The following PTPRO variants were observed in gnomAD, a reference collection of about 807,000 sequenced individuals.
The protein encoded by PTPRO is receptor-type tyrosine-protein phosphatase O.
PTPRO carries 62 observed loss-of-function variants against 145.2 expected under a neutral mutation model. The ratio of observed to expected loss-of-function variants is 0.43; its 90% CI spans 0.35 to 0.53. PTPRO has a LOEUF of 0.53. PTPRO is among the 20% of genes least tolerant of loss of function. PTPRO has a pLI of 0.01. For synonymous variants in PTPRO, 565 were observed against 514.7 expected (o/e 1.10, Z -1.32); for missense variants, 1,345 against 1,482.7 (o/e 0.91, Z 1.53).
intron 1 of PTPRO, among the ~76,000 whole-genome samples, chr12:15,438,781 A>G (rs755001415): frequency 4.6e-5 from 7 of 152,222 alleles, no homozygotes; most frequent in Non-Finnish European, 7.3e-5. Context: ...TGGAAAATAT[A>G]GTTGAAAGAA....
At chr12:15,523,101 C>T (rs1034935533) in intron 10 of PTPRO, among the ~76,000 whole-genome samples, 1 of 152,148 alleles carries the variant, frequency 6.6e-6, no homozygotes, top group Non-Finnish European at 1.5e-5. Flanking sequence ...GCTAAGCATA[C>T]TATATAAGTG....
intron 1 of PTPRO, among the ~76,000 whole-genome samples, chr12:15,387,112 GA>G (rs1939050938): frequency 6.6e-6 from 1 of 152,074 alleles, no homozygotes; most frequent in South Asian, 2.1e-4. Flanking sequence ...GCAACCTCAA[GA>G]AAAATTATTC....
chr12:15,365,980 T>C (rs190156314), intron 1 of PTPRO, among the ~76,000 whole-genome samples: 2 of 152,286 alleles, frequency 1.3e-5, no homozygotes, highest in Admixed American at 6.6e-5. Context: ...TATAGCTAAT[T>C]GACAGAGTGT....
chr12:15,396,617 G>A (rs998175449), intron 1 of PTPRO, among the ~76,000 whole-genome samples: 4 of 152,070 alleles, frequency 2.6e-5, no homozygotes, highest in African/African-American at 9.7e-5. Context: ...AAGGAATCTA[G>A]TAACAGCACT....
intron 1 of PTPRO, among the ~76,000 whole-genome samples, chr12:15,462,127 C>T (rs1346710561): frequency 6.6e-6 from 1 of 152,026 alleles, no homozygotes; most frequent in Admixed American, 6.6e-5. Flanking sequence ...TAATGTTGCT[C>T]ATCTTTTTTC....
chr12:15,511,599 G>A (rs1186377142), intron 7 of PTPRO, among the ~76,000 whole-genome samples: 7 of 152,190 alleles, frequency 4.6e-5, no homozygotes, highest in Non-Finnish European at 1.0e-4. Flanking sequence ...TCGCTCTGCT[G>A]CCAGGCTGGA....
chr12:15,490,432 A>G (rs898041547), intron 2 of PTPRO, among the ~76,000 whole-genome samples: 1 of 152,350 alleles, frequency 6.6e-6, no homozygotes, highest in African/African-American at 2.4e-5. Flanking sequence ...TAATGGCTAT[A>G]TTATAATTAA....
intron 10 of PTPRO, among the ~76,000 whole-genome samples, chr12:15,523,733 C>T (rs967914935): frequency 6.6e-6 from 1 of 151,618 alleles, no homozygotes; most frequent in Admixed American, 6.6e-5. Flanking sequence ...TGAGATTGCG[C>T]CACTGCACTC....
At chr12:15,539,253 C>T (rs1321551023) in intron 12 of PTPRO, among the ~76,000 whole-genome samples, 1 of 152,068 alleles carries the variant, frequency 6.6e-6, no homozygotes, top group African/African-American at 2.4e-5. Context: ...CCTGATTTCA[C>T]CACTATGCAA....
chr12:15,456,088 A>G (rs1049071267), intron 1 of PTPRO, among the ~76,000 whole-genome samples: 3 of 152,230 alleles, frequency 2.0e-5, no homozygotes, highest in South Asian at 2.1e-4. Flanking sequence ...AGCATTGAGT[A>G]TAATGTTAAC....
rs182670046 is a variant in PTPRO at position 15,435,786 on chromosome 12, A to C, written c.76-48188A>C. Among the ~76,000 whole-genome samples, 95 of 152,280 alleles carry C rather than the reference A, an allele frequency of 6.2e-4. 1 individual carries two copies. Among genetic ancestry groups the C allele is most frequent in the Admixed American group, 5.1e-3 (78 of 15,296 alleles). ...CAGTACCATGGATAGCAGAACACTT[A>C]TTTCCCCAAATACTAACACATACTC... On this transcript the variant is annotated intron_variant, in intron 1 of 26. Transcript: ENST00000281171.
intron 1 of PTPRO, among the ~76,000 whole-genome samples, chr12:15,372,469 G>A (rs1938559850): frequency 6.6e-6 from 1 of 152,172 alleles, no homozygotes; most frequent in African/African-American, 2.4e-5. Context: ...TTTGCCCACA[G>A]CTAATATGTG....
At chr12:15,365,829 AG>A (rs575809689) in intron 1 of PTPRO, among the ~76,000 whole-genome samples, 64 of 152,280 alleles carry the variant, frequency 4.2e-4, no homozygotes, top group African/African-American at 1.5e-3. Context: ...CCTGCACTAA[AG>A]GGCTATGAAG....
chr12:15,565,463 A>T, intron 17 of PTPRO, 130 bp from the exon 18 acceptor site: 1 of 633,278 alleles, frequency 1.6e-6, no homozygotes. Context: ...AACAAACCTG[A>T]TATGTGTTTA....
intron 1 of PTPRO, among the ~76,000 whole-genome samples, chr12:15,328,409 TTTC>T (rs1322554285): frequency 6.6e-6 from 1 of 152,226 alleles, no homozygotes; most frequent in Non-Finnish European, 1.5e-5. Context: ...CCAGCTCCTT[TTTC>T]TTCTGAATAT....
chr12:15,362,106 G>C (rs141705717), intron 1 of PTPRO, among the ~76,000 whole-genome samples: 1 of 152,220 alleles, frequency 6.6e-6, no homozygotes, highest in African/African-American at 2.4e-5. Context: ...TTGCATTGCT[G>C]GTTAGCACAA....
At position 15,408,269 on chromosome 12, in the gene PTPRO, T is replaced by C. The variant is rs539348651; in HGVS notation, c.76-75705T>C. Among the ~76,000 whole-genome samples the C allele has an allele frequency of 2.6e-5, 4 of 152,306 alleles. No individual in the cohort carries two copies. In the South Asian group the frequency reaches 6.2e-4, roughly 24 times the overall value. Reference sequence around the variant, plus strand: ...GATAAATTCAGTCATTTTTCCTTTATACTCTATGGAAGGCTGCATTATCAA... The same window carrying C: ...GATAAATTCAGTCATTTTTCCTTTACACTCTATGGAAGGCTGCATTATCAA... On this transcript the variant is annotated intron_variant, in intron 1 of 26. Transcript: ENST00000281171.
At chr12:15,347,596 A>C (rs1867268610) in intron 1 of PTPRO, among the ~76,000 whole-genome samples, 1 of 152,184 alleles carries the variant, frequency 6.6e-6, no homozygotes, top group Non-Finnish European at 1.5e-5. Flanking sequence ...CGTTTCACAA[A>C]CCTTGGCACA....
chr12:15,498,600 T>C (rs1451724651), intron 3 of PTPRO, among the ~76,000 whole-genome samples: 2 of 152,166 alleles, frequency 1.3e-5, no homozygotes, highest in Non-Finnish European at 2.9e-5. Context: ...ATGCAGTGAA[T>C]TTGGTTTTTT....
Sources: allele counts gnomAD v4.1 joint callset (sites outside exome capture counted in the v4.1 genomes callset), GRCh38; gene constraint gnomAD v4.1.1; transcripts MANE v1.5; gene names NCBI Gene and HGNC (gene_info 2026-07-23, HGNC 2026-07-21).